BLTP1: variants seen among roughly 807,000 people sequenced by gnomAD.
BLTP1 encodes the protein fragile site-associated protein.
the BLTP1 span, chr4:122,189,225 CAT>C: frequency 2.4e-6 from 2 of 838,532 alleles, no homozygotes; most frequent in Non-Finnish European, 2.9e-6. Flanking sequence ...TGATTTAATA[CAT>C]ATTTAGAAAA....
chr4:122,298,111 C>G, the BLTP1 span: 1 of 692,782 alleles, frequency 1.4e-6, no homozygotes, highest in African/African-American at 1.9e-5. Flanking sequence ...ATAGATAGAT[C>G]ATAATAGTAG....
chr4:122,259,850 C>T, the BLTP1 span: 73 of 672,080 alleles, frequency 1.1e-4, 1 homozygote, highest in East Asian at 4.1e-4. Flanking sequence ...CAGAGCGAGA[C>T]GCCATCTCAA....
At chr4:122,260,691 G>A in the BLTP1 span, among the ~76,000 whole-genome samples, 6 of 151,934 alleles carry the variant, frequency 3.9e-5, no homozygotes, top group African/African-American at 1.5e-4. Flanking sequence ...AGAAGGTGAT[G>A]CTCTTTTATC....
At chr4:122,344,484 G>C in the BLTP1 span, 1 of 1,614,038 alleles carries the variant, frequency 6.2e-7, no homozygotes, top group Non-Finnish European at 8.5e-7. Context: ...AGGCGTTCAG[G>C]AGGTGCCTCA....
chr4:122,229,406 A>G, the BLTP1 span, among the ~76,000 whole-genome samples: 3 of 152,072 alleles, frequency 2.0e-5, no homozygotes, highest in African/African-American at 7.2e-5. Context: ...TTCCAGTATT[A>G]TTTTTTTCAA....
the BLTP1 span, among the ~76,000 whole-genome samples, chr4:122,265,149 T>G: frequency 6.6e-6 from 1 of 152,102 alleles, no homozygotes; most frequent in Non-Finnish European, 1.5e-5. Flanking sequence ...AGGGATTGGT[T>G]GCAGGACCAA....
the BLTP1 span, chr4:122,162,427 G>A: frequency 1.7e-6 from 1 of 596,858 alleles, no homozygotes; most frequent in Non-Finnish European, 2.1e-6. Flanking sequence ...GCCCTGGAAG[G>A]GGATTAACCA....
At chr4:122,347,820 C>A in the BLTP1 span, 1 of 1,443,964 alleles carries the variant, frequency 6.9e-7, no homozygotes, top group South Asian at 1.3e-5. Context: ...CTACAGTGTT[C>A]TCAGGATAAA....
chr4:122,206,056 G>C, the BLTP1 span: 1 of 982,312 alleles, frequency 1.0e-6, no homozygotes. Flanking sequence ...AGTACCAAAG[G>C]GTAAACAGAC....
chr4:122,356,329 A>G, the BLTP1 span, among the ~76,000 whole-genome samples: 1 of 152,212 alleles, frequency 6.6e-6, no homozygotes, highest in East Asian at 1.9e-4. Context: ...GGAAATGCTC[A>G]TTGGAGGATT....
the BLTP1 span, among the ~76,000 whole-genome samples, chr4:122,224,290 T>C: frequency 1.3e-5 from 2 of 151,606 alleles, no homozygotes; most frequent in African/African-American, 4.9e-5. Context: ...TTTATAATAG[T>C]TGGACTCTCA....
chr4:122,259,870 A>AT, the BLTP1 span: 4 of 908,058 alleles, frequency 4.4e-6, no homozygotes, highest in African/African-American at 1.8e-5. Context: ...AAAAAAAAAA[A>AT]TTTTAACTTT....
chr4:122,258,634 T>A, the BLTP1 span: 3 of 1,530,882 alleles, frequency 2.0e-6, no homozygotes, highest in Non-Finnish European at 2.6e-6. Flanking sequence ...ACTAGAAACA[T>A]AGGGGCTGAT....
At chr4:122,206,208 A>T in the BLTP1 span, 1 of 249,390 alleles carries the variant, frequency 4.0e-6, no homozygotes, top group Non-Finnish European at 6.4e-6. Flanking sequence ...ACAGAGCCTG[A>T]GACACAGTAG....
the BLTP1 span, chr4:122,210,035 A>G: frequency 4.9e-6 from 7 of 1,417,746 alleles, no homozygotes; most frequent in Non-Finnish European, 6.5e-6. Flanking sequence ...GACATAGTAT[A>G]AATATAGTCT....
the BLTP1 span, chr4:122,251,737 T>C: frequency 3.0e-6 from 1 of 333,404 alleles, no homozygotes. Context: ...TCTCTGACTT[T>C]ATTGGTCCAT....
the BLTP1 span, among the ~76,000 whole-genome samples, chr4:122,234,489 T>C: frequency 1.3e-5 from 2 of 152,122 alleles, no homozygotes; most frequent in Non-Finnish European, 2.9e-5. Context: ...CTGATTTTTA[T>C]ATTTGCTTTT....
chr4:122,180,938 G>A, the BLTP1 span, among the ~76,000 whole-genome samples: 4 of 152,090 alleles, frequency 2.6e-5, no homozygotes, highest in Non-Finnish European at 5.9e-5. Context: ...ATAACAGAAA[G>A]GGACATACTT....
the BLTP1 span, chr4:122,254,660 T>A: frequency 8.3e-7 from 1 of 1,205,078 alleles, no homozygotes. Flanking sequence ...TTCTTAGTTA[T>A]GCTTTCATAA....
Sources: allele counts gnomAD v4.1 joint callset (sites outside exome capture counted in the v4.1 genomes callset), GRCh38; gene constraint gnomAD v4.1.1; transcripts MANE v1.5; gene names NCBI Gene and HGNC (gene_info 2026-07-23, HGNC 2026-07-21).